The following PCDH11Y variants were observed in gnomAD, a reference collection of about 807,000 sequenced individuals.
PCDH11Y encodes the protein protocadherin 11 Y-linked, also known as protocadherin-11 Y-linked.
For missense variants in PCDH11Y, 12 were observed against 224.8 expected, an observed-to-expected ratio of 0.05 and a Z score of 6.05; for synonymous variants, 9 against 83.6, an observed-to-expected ratio of 0.11 and a Z score of 4.87.
At chrY:5,663,342 C>T in intron 4 of PCDH11Y, among the ~76,000 whole-genome samples, 1 of 31,816 alleles carries the variant, frequency 3.1e-5, no homozygotes, top group South Asian at 7.1e-4. Context: ...TGGAATAAAA[C>T]CCTGAGTTTC....
intron 2 of PCDH11Y, among the ~76,000 whole-genome samples, chrY:5,261,679 GTGGTTTGC>G (rs2053018539): frequency 3.1e-5 from 1 of 32,457 alleles, no homozygotes; most frequent in Non-Finnish European, 7.5e-5. Context: ...GTGTTTCATG[GTGGTTTGC>G]TGCACCTATC....
At chrY:5,618,939 C>T in intron 4 of PCDH11Y, among the ~76,000 whole-genome samples, 3 of 29,980 alleles carry the variant, frequency 1.0e-4, no homozygotes, top group South Asian at 7.7e-4. Context: ...CCTGGGAGGT[C>T]GAGGCTGCAG....
At chrY:5,138,400 C>T (rs2052843657) in intron 2 of PCDH11Y, among the ~76,000 whole-genome samples, 1 of 31,686 alleles carries the variant, frequency 3.2e-5, no homozygotes. Flanking sequence ...AAAGAAATAA[C>T]GAAGACCAGA....
At chrY:5,700,605 T>C in intron 4 of PCDH11Y, among the ~76,000 whole-genome samples, 3 of 33,741 alleles carry the variant, frequency 8.9e-5, no homozygotes, top group Non-Finnish European at 2.2e-4. Context: ...ACCATGATTG[T>C]GAGGCCTCCC....
chrY:5,648,706 G>A, intron 4 of PCDH11Y, among the ~76,000 whole-genome samples: 1 of 30,175 alleles, frequency 3.3e-5, no homozygotes, highest in Non-Finnish European at 7.9e-5. Context: ...GCAACTATAG[G>A]AGTTATAGCC....
At chrY:5,327,845 A>G (rs2053124132) in intron 2 of PCDH11Y, among the ~76,000 whole-genome samples, 1 of 32,086 alleles carries the variant, frequency 3.1e-5, no homozygotes, top group Non-Finnish European at 7.6e-5. Context: ...GAGTGGGGGG[A>G]GTTTTAAGAG....
intron 4 of PCDH11Y, among the ~76,000 whole-genome samples, chrY:5,626,258 T>C (rs2053507136): frequency 3.1e-5 from 1 of 32,566 alleles, no homozygotes; most frequent in African/African-American, 1.2e-4. Context: ...AGCCCCCTTT[T>C]TCATTTCTGA....
chrY:5,670,909 A>G (rs2053548495), intron 4 of PCDH11Y, among the ~76,000 whole-genome samples: 1 of 33,010 alleles, frequency 3.0e-5, no homozygotes, highest in African/African-American at 1.2e-4. Flanking sequence ...CATAGTTTGA[A>G]GTCTTAGATT....
At chrY:5,529,431 A>G (rs2053390730) in intron 3 of PCDH11Y, among the ~76,000 whole-genome samples, 1 of 32,496 alleles carries the variant, frequency 3.1e-5, no homozygotes, top group Admixed American at 2.8e-4. Context: ...TAGGGTGACT[A>G]TAGTCAATAA....
intron 2 of PCDH11Y, among the ~76,000 whole-genome samples, chrY:5,359,159 A>G: frequency 1.9e-4 from 6 of 31,967 alleles, no homozygotes; most frequent in Admixed American, 1.5e-3. Flanking sequence ...TGTGCAAGAA[A>G]AAATTTGGGG....
chrY:5,542,787 T>C (rs2053408959), intron 3 of PCDH11Y, among the ~76,000 whole-genome samples: 1 of 31,963 alleles, frequency 3.1e-5, no homozygotes, highest in Non-Finnish European at 7.6e-5. Flanking sequence ...CTATGAGGGA[T>C]GTATATCATG....
downstream of PCDH11Y, among the ~76,000 whole-genome samples, chrY:5,107,944 A>G (rs2052794743): frequency 3.2e-5 from 1 of 31,245 alleles, no homozygotes; most frequent in South Asian, 7.6e-4. Flanking sequence ...CTGTAGTCCC[A>G]GCTACTTGAG....
chrY:5,503,685 C>CGTGT (rs1361412141), intron 3 of PCDH11Y, among the ~76,000 whole-genome samples: 3 of 29,581 alleles, frequency 1.0e-4, no homozygotes, highest in Non-Finnish European at 1.7e-4. Flanking sequence ...TAACATAGTA[C>CGTGT]GTGTGTGTGT....
intron 2 of PCDH11Y, among the ~76,000 whole-genome samples, chrY:5,417,990 T>C: frequency 3.0e-5 from 1 of 33,668 alleles, no homozygotes; most frequent in Non-Finnish European, 7.4e-5. Flanking sequence ...CATATGAAAT[T>C]GAACATTCCA....
intron 2 of PCDH11Y, among the ~76,000 whole-genome samples, chrY:5,460,440 G>C: frequency 3.0e-5 from 1 of 32,910 alleles, no homozygotes; most frequent in African/African-American, 1.2e-4. Context: ...ATGGGGATTT[G>C]TGGGTAATTT....
At chrY:5,268,664 T>C in intron 2 of PCDH11Y, among the ~76,000 whole-genome samples, 1 of 32,706 alleles carries the variant, frequency 3.1e-5, no homozygotes, top group African/African-American at 1.2e-4. Context: ...CTTCACTTAT[T>C]AAATCAGGAT....
At chrY:5,174,386 G>C in intron 2 of PCDH11Y, among the ~76,000 whole-genome samples, 1 of 30,041 alleles carries the variant, frequency 3.3e-5, no homozygotes, top group African/African-American at 1.3e-4. Flanking sequence ...ATGTAGAAAA[G>C]TGGCTGAAAT....
chrY:5,317,714 G>T, intron 2 of PCDH11Y, among the ~76,000 whole-genome samples: 1 of 32,342 alleles, frequency 3.1e-5, no homozygotes, highest in Non-Finnish European at 7.5e-5. Flanking sequence ...GGAGAATGCT[G>T]AGCCAATTAC....
At chrY:5,031,290 G>A in intron 1 of PCDH11Y, among the ~76,000 whole-genome samples, 1 of 32,086 alleles carries the variant, frequency 3.1e-5, no homozygotes, top group African/African-American at 1.2e-4. Flanking sequence ...TATGGAATTC[G>A]AGGGAGATCA....
Sources: allele counts gnomAD v4.1 joint callset (sites outside exome capture counted in the v4.1 genomes callset), GRCh38; gene constraint gnomAD v4.1.1; transcripts MANE v1.5; gene names NCBI Gene and HGNC (gene_info 2026-07-23, HGNC 2026-07-21).